The following VPS41 variants were observed in gnomAD, a reference collection of about 807,000 sequenced individuals.
VPS41 encodes the protein VPS41 subunit of HOPS complex.
Under a neutral mutation model 130.9 loss-of-function variants are expected in VPS41, and 85 were observed. That is an observed-to-expected ratio of 0.65 (90% confidence interval 0.55 to 0.78). The LOEUF (loss-of-function observed/expected upper bound fraction) is 0.78, where lower values mean the gene tolerates loss of function less well. Ranked by LOEUF, VPS41 falls within the 30% of genes least tolerant of loss-of-function variation. The probability of loss-of-function intolerance (pLI) is 0.00; values close to 1 mark genes in which losing one functional copy is unlikely to be tolerated. For synonymous variants in VPS41, 335 were observed against 332.9 expected (o/e 1.01, Z -0.07); for missense variants, 874 against 1,018.7 (o/e 0.86, Z 1.93).
In VPS41 at chr7:38,728,509, T is replaced by A. The variant is rs374637567; in HGVS notation, c.2404+33A>T. ...TGATTCCACTCATCATTAAAATACATGTTTGGGATTTTTTTGGGGAAAACC... is the reference window on the plus strand; with the variant it reads ...TGATTCCACTCATCATTAAAATACAAGTTTGGGATTTTTTTGGGGAAAACC... On this transcript the variant is annotated intron_variant, in intron 27 of 28. Transcript: ENST00000310301. 5.6e-6 allele frequency: 9 copies of A among 1,613,096 alleles called. No individual in the cohort carries two copies. The African/African-American group carries it at 1.1e-4, about 19-fold the overall frequency.
chr7:38,787,202 T>C (rs927183083), intron 10 of VPS41, among the ~76,000 whole-genome samples: 1 of 152,170 alleles, frequency 6.6e-6, no homozygotes, highest in Admixed American at 6.5e-5. Context: ...CATTAATTCC[T>C]TGCATGTAAG....
intron 14 of VPS41, among the ~76,000 whole-genome samples, chr7:38,770,658 C>G (rs1420247445): frequency 6.6e-6 from 1 of 152,164 alleles, no homozygotes; most frequent in African/African-American, 2.4e-5. Flanking sequence ...TCTCCAAGGA[C>G]CCTTCACATG....
chr7:38,818,249 C>A lies in VPS41; in HGVS notation c.385-367G>T, dbSNP rs367791784. 1.4e-3 allele frequency among the ~76,000 whole-genome samples: 177 copies of A among 130,270 alleles called. 1 individual carries two copies. Among genetic ancestry groups the A allele is most frequent in the Middle Eastern group, 3.8e-3 (1 of 262 alleles). The allele number at this position is 130,270 out of a possible 152,430, so 85.5% of individuals were successfully genotyped here. ...TGGATACAATTTACAGAAAACAAAA[C>A]AAAAAAAAAAAAACAGAAAGAAGCC... On this transcript the variant is annotated intron_variant, in intron 6 of 28. Coordinates refer to ENST00000310301, the MANE Select transcript of VPS41 (RefSeq NM_014396.4).
chr7:38,785,102 GAGATTCTGGCCCCTTAGTCACC>G (rs1271455119), intron 10 of VPS41, among the ~76,000 whole-genome samples: 10 of 152,142 alleles, frequency 6.6e-5, no homozygotes, highest in Admixed American at 2.0e-4. Context: ...TTATTCCCAA[GAGATTCTGGCCCCTTAGTCACC>G]AGATATTAGT....
chr7:38,885,564 T>C (rs1786707561), intron 2 of VPS41, among the ~76,000 whole-genome samples: 1 of 152,218 alleles, frequency 6.6e-6, no homozygotes, highest in Non-Finnish European at 1.5e-5. Flanking sequence ...TACTTCAGCA[T>C]AACCAGCCTC....
intron 25 of VPS41, among the ~76,000 whole-genome samples, chr7:38,729,947 T>C (rs1021735365): frequency 6.6e-6 from 1 of 152,128 alleles, no homozygotes; most frequent in African/African-American, 2.4e-5. Context: ...TAACCAGAAC[T>C]TGTTGCTGCT....
At chr7:38,800,090 A>G (rs1784696287) in intron 7 of VPS41, among the ~76,000 whole-genome samples, 1 of 152,202 alleles carries the variant, frequency 6.6e-6, no homozygotes, top group East Asian at 1.9e-4. Context: ...AAATGATCAG[A>G]CAAGTTAGTA....
chr7:38,746,943 C>T (rs1795996515), intron 22 of VPS41, among the ~76,000 whole-genome samples: 1 of 152,102 alleles, frequency 6.6e-6, no homozygotes, highest in Non-Finnish European at 1.5e-5. Context: ...GGTCTCTGAC[C>T]CCGCGGCATG....
chr7:38,728,506 A>C, intron 27 of VPS41, 36 bp downstream of exon 27: 3 of 1,612,898 alleles, frequency 1.9e-6, no homozygotes, highest in Non-Finnish European at 1.7e-6. Flanking sequence ...TCATTAAAAT[A>C]CATGTTTGGG....
Position 38,869,169 on chromosome 7 carries a change from T to C in VPS41, c.145A>G (p.Ser49Gly). Residue 49 changes from serine to glycine, a missense_variant, in exon 3 of 29, where the codon AGC (serine) becomes GGC (glycine). Coordinates refer to ENST00000310301, the MANE Select transcript of VPS41 (RefSeq NM_014396.4). ...ACCTTGTCATGGACTGTCATGCAGC[T>C]AGCTGCATCCTTCTGAAGTATTTCA... ...VTEILQKDAA[S>G]CMTVHDKFLA... 1.9e-6 allele frequency: 3 copies of C among 1,607,348 alleles called. No individual in the cohort carries two copies. The highest frequency in any genetic ancestry group is 2.6e-6 in the Non-Finnish European group (3 of 1,176,088).
intron 25 of VPS41, among the ~76,000 whole-genome samples, chr7:38,730,447 G>A (rs1463895423): frequency 6.6e-6 from 1 of 152,114 alleles, no homozygotes; most frequent in Admixed American, 6.5e-5. Context: ...CTAGATTAAA[G>A]TTCTATGCCT....
chr7:38,750,206 T>C (rs1433410610), intron 22 of VPS41, among the ~76,000 whole-genome samples: 1 of 152,202 alleles, frequency 6.6e-6, no homozygotes. Context: ...AATCTTGAGT[T>C]AGTAATACTG....
rs150301823 is a variant in VPS41 at position 38,724,827 on chromosome 7, G to A, written c.*1419C>T. The stretch of plus-strand genomic sequence containing the variant: ...GGCTGGTCTCGAACGTGCGATCTCA[G>A]GTGATCCACCTGCCAAGGCCTCCCA... On this transcript the variant is annotated 3_prime_UTR_variant, in exon 29 of 29. Coordinates refer to ENST00000310301, the MANE Select transcript of VPS41 (RefSeq NM_014396.4). 1 of 152,478 alleles carries A rather than the reference G, an allele frequency of 6.6e-6. No homozygotes were observed. The highest frequency in any genetic ancestry group is 2.4e-5 in the African/African-American group (1 of 41,566). The allele number at this position is 152,478 out of a possible 1,614,324, so 9.4% of individuals were successfully genotyped here.
intron 15 of VPS41, 42 bp from the exon 16 acceptor site, chr7:38,765,703 A>T (rs760557375): frequency 1.2e-5 from 15 of 1,295,778 alleles, no homozygotes; most frequent in Non-Finnish European, 1.6e-5. Context: ...AGTATATATT[A>T]AAAAAACAAA....
chr7:38,795,732 G>A (rs1055674248), intron 8 of VPS41, 121 bp from the exon 9 acceptor site: 1 of 863,136 alleles, frequency 1.2e-6, no homozygotes, highest in Non-Finnish European at 1.7e-6. Flanking sequence ...AGTGTTTACT[G>A]AGCATGCAAG....
At chr7:38,737,417 C>T (rs115107956) in intron 25 of VPS41, among the ~76,000 whole-genome samples, 3,414 of 152,162 alleles carry the variant, frequency 0.022, 52 homozygotes, top group African/African-American at 0.047. Context: ...TAACCCTAGT[C>T]TTGGTCATAG....
At chr7:38,809,747 G>A (rs995281654) in intron 7 of VPS41, among the ~76,000 whole-genome samples, 21 of 151,980 alleles carry the variant, frequency 1.4e-4, no homozygotes, top group Non-Finnish European at 2.4e-4. Flanking sequence ...CCACCGTAAC[G>A]CCAAACAGCT....
At chr7:38,891,032 A>T (rs10230382) in intron 2 of VPS41, among the ~76,000 whole-genome samples, 39,105 of 149,384 alleles carry the variant, frequency 0.26, 6,432 homozygotes, top group Non-Finnish European at 0.38. Flanking sequence ...AGGAAAAAAA[A>T]GTGTAGTAGA....
intron 10 of VPS41, among the ~76,000 whole-genome samples, chr7:38,789,550 T>C (rs1167869008): frequency 2.0e-5 from 3 of 152,042 alleles, no homozygotes; most frequent in African/African-American, 7.2e-5. Context: ...ATCCCCGTGA[T>C]CCACTGAGGA....
Sources: allele counts gnomAD v4.1 joint callset (sites outside exome capture counted in the v4.1 genomes callset), GRCh38; gene constraint gnomAD v4.1.1; transcripts MANE v1.5; gene names NCBI Gene and HGNC (gene_info 2026-07-23, HGNC 2026-07-21).